The following FAM227A variants were observed in gnomAD, a reference collection of about 807,000 sequenced individuals.
The protein encoded by FAM227A is protein FAM227A.
FAM227A carries 80 observed loss-of-function variants against 74.7 expected under a neutral mutation model. That is an observed-to-expected ratio of 1.07 (90% CI 0.89 to 1.29). The LOEUF is 1.29. Ranked by LOEUF, FAM227A falls within the 50% of genes most tolerant of loss-of-function variation. The pLI is 0.00. For synonymous variants in FAM227A, 237 were observed against 241.8 expected (o/e 0.98, Z 0.19); for missense variants, 654 against 683.4 (o/e 0.96, Z 0.48).
chr22:38,645,294 G>A (rs1311653015), intron 3 of FAM227A, among the ~76,000 whole-genome samples: 2 of 152,042 alleles, frequency 1.3e-5, no homozygotes, highest in African/African-American at 2.4e-5. Context: ...GGGAGGCTGA[G>A]GCAGGAGAAT....
chr22:38,623,324 T>TTACAGGCGTGATC, intron 9 of FAM227A, 45 bp from the exon 10 acceptor site: 3 of 1,332,988 alleles, frequency 2.3e-6, no homozygotes, highest in Non-Finnish European at 3.2e-6. Flanking sequence ...GTGCGGTGGA[T>TTACAGGCGTGATC]CACGCCTGTA....
At chr22:38,613,046 ATATATAT>A in intron 11 of FAM227A, among the ~76,000 whole-genome samples, 1 of 115,720 alleles carries the variant, frequency 8.6e-6, no homozygotes, top group South Asian at 2.3e-4. Context: ...ATATTTTTAT[ATATATAT>A]TATATATATG....
At chr22:38,636,690 TAAC>T in intron 5 of FAM227A, 93 bp from the exon 6 acceptor site, 2 of 1,159,496 alleles carry the variant, frequency 1.7e-6, no homozygotes, top group Non-Finnish European at 2.4e-6. Flanking sequence ...GAAGACAATA[TAAC>T]AACCTTATAG....
chr22:38,612,734 G>A (rs767050482), intron 11 of FAM227A, among the ~76,000 whole-genome samples: 1 of 151,956 alleles, frequency 6.6e-6, no homozygotes, highest in African/African-American at 2.4e-5. Context: ...CTGTTGACAG[G>A]AGCAACTGGT....
chr22:38,637,334 C>T (rs1456276377), intron 5 of FAM227A, among the ~76,000 whole-genome samples: 1 of 152,140 alleles, frequency 6.6e-6, no homozygotes, highest in Non-Finnish European at 1.5e-5. Context: ...ACTAATATCA[C>T]GAATAGCTTG....
intron 6 of FAM227A, among the ~76,000 whole-genome samples, chr22:38,634,531 C>T (rs772091826): frequency 6.6e-6 from 1 of 152,198 alleles, no homozygotes; most frequent in Non-Finnish European, 1.5e-5. Flanking sequence ...CACAATAACA[C>T]CTCAAGGTAG....
intron 3 of FAM227A, 143 bp downstream of exon 3, chr22:38,645,420 T>TA: frequency 1.7e-6 from 1 of 603,074 alleles, no homozygotes; most frequent in South Asian, 2.1e-5. Flanking sequence ...TATTAATTTT[T>TA]AAAAAAATTA....
chr22:38,626,408 T>C, intron 8 of FAM227A, 105 bp from the exon 9 acceptor site: 3 of 1,358,252 alleles, frequency 2.2e-6, no homozygotes, highest in Non-Finnish European at 2.9e-6. Context: ...GTTTTTGTTG[T>C]TGTTGTTGTT....
chr22:38,598,081 G>A (rs2091089463), intron 14 of FAM227A, among the ~76,000 whole-genome samples: 1 of 147,162 alleles, frequency 6.8e-6, no homozygotes, highest in Admixed American at 6.8e-5. Context: ...CCTCTGCTCT[G>A]CCCTCCTTCC....
intron 6 of FAM227A, among the ~76,000 whole-genome samples, chr22:38,634,995 C>T (rs1167996041): frequency 3.9e-5 from 6 of 152,020 alleles, no homozygotes; most frequent in South Asian, 2.1e-4. Context: ...ACCTGTAATC[C>T]CAGCACTTTG....
At position 38,620,293 on chromosome 22, in the gene FAM227A, T is replaced by C; in HGVS notation, c.959-2A>G. 6.5e-7 allele frequency: 1 copy of C among 1,548,478 alleles called. No homozygotes were observed. Among genetic ancestry groups the C allele is most frequent in the Non-Finnish European group, 8.7e-7 (1 of 1,144,116 alleles). On this transcript the variant is annotated splice_acceptor_variant, in intron 10 of 16. Transcript: ENST00000535113. LOFTEE classifies it high-confidence loss of function. ...CAGCAAACAAAGAAAACTCTCTCCC[T>C]ATAGAAGGGGAAAAGCTGTTATTAA...
intron 3 of FAM227A, among the ~76,000 whole-genome samples, chr22:38,640,068 C>G (rs1245386149): frequency 1.3e-5 from 2 of 151,786 alleles, no homozygotes; most frequent in South Asian, 2.1e-4. Flanking sequence ...GAGTCTCGCT[C>G]TGTTGCCCAG....
chr22:38,614,292 C>T (rs2091530244), intron 11 of FAM227A, among the ~76,000 whole-genome samples: 1 of 152,080 alleles, frequency 6.6e-6, no homozygotes, highest in Admixed American at 6.6e-5. Context: ...ATTCCATTTC[C>T]TAAAACTTTT....
chr22:38,603,801 G>A lies in FAM227A; in HGVS notation c.1221+1453C>T, dbSNP rs180853433. Among the ~76,000 whole-genome samples, 605 of 152,220 alleles carry A rather than the reference G, an allele frequency of 4.0e-3. 2 individuals carry two copies. The highest frequency in any genetic ancestry group is 0.014 in the Middle Eastern group (4 of 294). On this transcript the variant is annotated intron_variant, in intron 13 of 16. Transcript: ENST00000535113. Reference sequence around the variant, plus strand: ...TAACAAATGCTTAAGCCAATTTTTAGCTAAATTCCAAGGAATAGAGTGACC... The same window carrying A: ...TAACAAATGCTTAAGCCAATTTTTAACTAAATTCCAAGGAATAGAGTGACC...
In FAM227A at chr22:38,656,122, G is replaced by A. The variant is rs2092389153; in HGVS notation, c.-97C>T. 6.6e-6 allele frequency: 1 copy of A among 152,234 alleles called. No individual in the cohort carries two copies. Among genetic ancestry groups the A allele is most frequent in the Non-Finnish European group, 1.5e-5 (1 of 68,062 alleles). The allele number at this position is 152,234 out of a possible 1,614,324, so 9.4% of individuals were successfully genotyped here. A position where few individuals can be genotyped will look rare whatever the true frequency, so the allele number is the denominator to read the frequency against. ...GTGCGTCTGTCCGTCCGTCTTACCT[G>A]AAAGCATCGGCGGAATTTGACGAAC... On this transcript the variant is annotated splice_region_variant and 5_prime_UTR_variant, in exon 1 of 17. Coordinates refer to ENST00000535113, the MANE Select transcript of FAM227A (RefSeq NM_001013647.2).
intron 11 of FAM227A, among the ~76,000 whole-genome samples, chr22:38,615,423 C>T (rs769379492): frequency 2.0e-5 from 3 of 152,198 alleles, no homozygotes; most frequent in Admixed American, 1.3e-4. Flanking sequence ...TATGGGAAGA[C>T]AGAGGCTGGC....
At chr22:38,594,685 G>A (rs1287978208) in intron 15 of FAM227A, among the ~76,000 whole-genome samples, 1 of 152,114 alleles carries the variant, frequency 6.6e-6, no homozygotes, top group Middle Eastern at 3.2e-3. Context: ...AATTGTGGCC[G>A]GGTGCGGTGG....
At chr22:38,609,254 G>C (rs890880439) in intron 11 of FAM227A, among the ~76,000 whole-genome samples, 12 of 152,188 alleles carry the variant, frequency 7.9e-5, no homozygotes, top group Non-Finnish European at 1.6e-4. Context: ...CTCATTAACT[G>C]GATCTTAGTC....
At chr22:38,607,532 T>C in intron 11 of FAM227A, 56 bp from the exon 12 acceptor site, 1 of 1,214,022 alleles carries the variant, frequency 8.2e-7, no homozygotes, top group Non-Finnish European at 1.2e-6. Flanking sequence ...GAGAACAAAA[T>C]AAAATTGGCA....
Sources: gnomAD v4.1 joint callset for allele counts (sites outside exome capture counted in the v4.1 genomes callset) on GRCh38, gnomAD v4.1.1 for gene constraint, MANE v1.5 for transcripts, NCBI Gene and HGNC (gene_info 2026-07-23, HGNC 2026-07-21) for gene names.